The following MOV10 variants were observed in gnomAD, a reference collection of about 807,000 sequenced individuals.
MOV10 encodes Mov10 RNA helicase.
Under a neutral mutation model 108.4 loss-of-function variants are expected in MOV10, and 39 were observed. The ratio of observed to expected loss-of-function variants is 0.36; its 90% CI spans 0.28 to 0.47. MOV10 has a LOEUF of 0.47. MOV10 is among the 20% of genes least tolerant of loss of function. The pLI is 1.00. For synonymous variants in MOV10, 490 were observed against 523.1 expected (o/e 0.94, Z 0.86); for missense variants, 952 against 1,297.6 (o/e 0.73, Z 4.09).
At chr1:112,683,726 G>A (rs555730981) in intron 2 of MOV10, among the ~76,000 whole-genome samples, 4 of 152,238 alleles carry the variant, frequency 2.6e-5, no homozygotes, top group African/African-American at 9.6e-5. Context: ...CTTTTCAATG[G>A]CTGCATAATA....
chr1:112,697,934 C>A (rs1674257791), intron 14 of MOV10, 60 bp from the exon 15 acceptor site: 1 of 1,412,952 alleles, frequency 7.1e-7, no homozygotes, highest in Non-Finnish European at 1.0e-6. Context: ...TAGAGCGGAG[C>A]CCCTGTAGGG....
chr1:112,674,847 G>C lies in MOV10; in HGVS notation c.-65-1G>C, dbSNP rs1445071207. On this transcript the variant is annotated splice_acceptor_variant, in intron 1 of 20. Coordinates refer to ENST00000369645, the MANE Select transcript of MOV10 (RefSeq NM_001321324.2). LOFTEE classifies it low-confidence loss of function (5UTR_SPLICE). ...CTCATCTCAGGGCCGCCAACTTCCA[G>C]CTGCAGCGGCGACTTTCAGTTTCAT... 1 of 1,488,924 alleles carries C rather than the reference G, an allele frequency of 6.7e-7. No homozygotes were observed. Among genetic ancestry groups the C allele is most frequent in the Non-Finnish European group, 8.9e-7 (1 of 1,120,062 alleles). 92.2% of individuals were successfully genotyped at this position (1,488,924 alleles called of 1,614,324 possible).
Position 112,675,002 on chromosome 1 carries a change from A to T in MOV10, c.90A>T (p.Thr30=). 6.3e-7 allele frequency: 1 copy of T among 1,584,242 alleles called. No individual in the cohort carries two copies. Among genetic ancestry groups the T allele is most frequent in the Non-Finnish European group, 8.6e-7 (1 of 1,166,284 alleles). ...TCGTTCGGGGACTGGACATGGAGAC[A>T]GATCGCGAGCGGCTGCGGACCATTT... The part of the protein sequence containing the change: ...FLVVRGLDME[T]DRERLRTIYN... The change falls in exon 2 of 21, where the codon ACA becomes ACT. Residue 30 remains threonine (T), a synonymous_variant. Coordinates refer to ENST00000369645, the MANE Select transcript of MOV10 (RefSeq NM_001321324.2). The surrounding 1 kb of genome is among the most constrained non-coding windows in gnomAD (Gnocchi z 4.7).
At chr1:112,690,190 GC>G in intron 5 of MOV10, 92 bp downstream of exon 5, 1 of 1,485,520 alleles carries the variant, frequency 6.7e-7, no homozygotes, top group Non-Finnish European at 9.0e-7. Flanking sequence ...GGGAGCCAGA[GC>G]CCTTTTCCTA....
rs1674301642 is a variant in MOV10, at chr1:112,698,308, G to A, written c.2338G>A (p.Gly780Ser). The change falls in exon 16 of 21, where the codon GGC becomes AGC. Residue 780 changes from glycine (G) to serine (S), a missense_variant. Coordinates refer to ENST00000369645, the MANE Select transcript of MOV10 (RefSeq NM_001321324.2). ...PRQGFPIIFH[G>S]VMGKDEREGN... ...CCAGGGCTTTCCCATCATCTTTCAC[G>A]GCGTAATGGGCAAAGATGAGCGTGA... The A allele has an allele frequency of 3.1e-6, 5 of 1,613,788 alleles. No homozygotes were observed. The highest frequency in any genetic ancestry group is 1.7e-5 in the Admixed American group (1 of 59,968).
At chr1:112,684,019 T>C (rs1672868054) in intron 2 of MOV10, among the ~76,000 whole-genome samples, 1 of 152,226 alleles carries the variant, frequency 6.6e-6, no homozygotes, top group East Asian at 1.9e-4. Context: ...TCTGCAATCA[T>C]AGCTCTCTGT....
intron 2 of MOV10, among the ~76,000 whole-genome samples, chr1:112,685,653 C>A (rs1570768219): frequency 7.2e-6 from 1 of 139,208 alleles, no homozygotes; most frequent in Non-Finnish European, 1.5e-5. Context: ...GATTCCGTCT[C>A]AATAAAATAA....
rs1674525274 is a variant in MOV10 at position 112,700,260 on chromosome 1, G to A, written c.2840G>A (p.Cys947Tyr). 2 of 1,614,174 alleles carry A rather than the reference G, an allele frequency of 1.2e-6. No individual in the cohort carries two copies. Among genetic ancestry groups the A allele is most frequent in the South Asian group, 2.2e-5 (2 of 91,088 alleles). ...AAAGAAAACGGAGGGTATACCGGGT[G>A]TCCCTTCCCTGCCAAACTGGACCTG... is the stretch of plus-strand genomic sequence containing the variant. Reference protein sequence around the residue: ...FCKENGGYTGCPFPAKLDLQQ... With the variant: ...FCKENGGYTGYPFPAKLDLQQ... The change falls in exon 20 of 21, where the codon TGT becomes TAT. Residue 947 changes from cysteine to tyrosine, a missense_variant. Cys to Tyr is a radical substitution (Grantham distance 194). Around this residue, in one of 5 missense-constraint regions of MOV10, gnomAD observed 65 missense variants for 124.3 expected, o/e 0.52. Transcript: ENST00000369645.
intron 14 of MOV10, 139 bp downstream of exon 14, chr1:112,696,985 G>A: frequency 4.0e-6 from 3 of 755,258 alleles, no homozygotes; most frequent in Non-Finnish European, 6.5e-6. Flanking sequence ...TGGAAGGCAG[G>A]AGGTTTTTCT....
Position 112,700,606 on chromosome 1 carries a change from G to A in MOV10, c.*99G>A. 1 of 1,557,190 alleles carries A rather than the reference G, an allele frequency of 6.4e-7. No individual in the cohort carries two copies. Among genetic ancestry groups the A allele is most frequent in the East Asian group, 2.4e-5 (1 of 41,302 alleles). ...AACTGCCCCTCCAAGGGACAGGAAGGCTGGGGGAGGGAGTTTACAACCCAA... is the reference window on the plus strand; with the variant it reads ...AACTGCCCCTCCAAGGGACAGGAAGACTGGGGGAGGGAGTTTACAACCCAA... On this transcript the variant is annotated 3_prime_UTR_variant, in exon 21 of 21. Coordinates refer to ENST00000369645, the MANE Select transcript of MOV10 (RefSeq NM_001321324.2).
At chr1:112,680,766 G>A (rs556651916) in intron 2 of MOV10, among the ~76,000 whole-genome samples, 5 of 130,712 alleles carry the variant, frequency 3.8e-5, no homozygotes, top group Non-Finnish European at 7.7e-5. Context: ...GCAGTGGCAC[G>A]ATCTCAGCAC....
At chr1:112,677,117 G>T (rs1323598629) in intron 2 of MOV10, among the ~76,000 whole-genome samples, 1 of 152,128 alleles carries the variant, frequency 6.6e-6, no homozygotes, top group African/African-American at 2.4e-5. Context: ...ATTGACTTTA[G>T]CCTTGAAAGA....
At position 112,698,400 on chromosome 1, in the gene MOV10, C is replaced by T. The variant is rs745841832; in HGVS notation, c.2430C>T (p.Leu810=). ...CAGTGACTTCCTACCTGAAGCTGCT[C>T]CTGGCCCCCTCCTCCAAGAAGGGCA... is the stretch of plus-strand genomic sequence containing the variant. ...AATVTSYLKL[L]LAPSSKKGKA... The change falls in exon 16 of 21, where the codon CTC becomes CTT. Residue 810 remains leucine, a synonymous_variant. Transcript: ENST00000369645. 8.7e-6 allele frequency: 14 copies of T among 1,614,230 alleles called. No homozygotes were observed. Among genetic ancestry groups the T allele is most frequent in the Non-Finnish European group, 9.3e-6 (11 of 1,180,040 alleles).
Position 112,698,037 on chromosome 1 carries a change from G to A in MOV10, c.2242G>A (p.Glu748Lys), listed in dbSNP as rs778863602. The A allele has an allele frequency of 1.2e-6, 2 of 1,614,196 alleles. No individual in the cohort carries two copies. Among genetic ancestry groups the A allele is most frequent in the African/African-American group, 2.7e-5 (2 of 75,056 alleles). Residue 748 changes from glutamate (E) to lysine (K), a missense_variant, in exon 15 of 21, where the codon GAA (glutamate) becomes AAA (lysine). By Grantham distance (56) the Glu-to-Lys change is moderately conservative (BLOSUM62 1). Transcript: ENST00000369645. The part of the protein sequence containing the change: ...ILDIPNQLYY[E>K]GELQACADVV... ...GGACATTCCTAACCAGCTCTATTAT[G>A]AAGGGGAGCTGCAGGCCTGTGCTGA...
At chr1:112,678,413 T>C (rs1672365921) in intron 2 of MOV10, among the ~76,000 whole-genome samples, 1 of 152,106 alleles carries the variant, frequency 6.6e-6, no homozygotes, top group Non-Finnish European at 1.5e-5. Flanking sequence ...GCTAGAAATA[T>C]ACAAAAGGAA....
chr1:112,688,547 C>T, intron 2 of MOV10: 1 of 1,117,736 alleles, frequency 8.9e-7, no homozygotes. Context: ...CCCTTAGCCT[C>T]AGCTCTTTCT....
chr1:112,675,727 C>T lies in MOV10; in HGVS notation c.137+678C>T, dbSNP rs565546783. On this transcript the variant is annotated intron_variant, in intron 2 of 20. Transcript: ENST00000369645. The surrounding 1 kb of genome is among the most constrained non-coding windows in gnomAD (Gnocchi z 4.7). ...CTGAAGGCTCTTTGGTCTCCTTTTC[C>T]TGCTACCACCCAAGTGAAAATCAAA... Among the ~76,000 whole-genome samples, 1 of 152,366 alleles carries T rather than the reference C, an allele frequency of 6.6e-6. No individual in the cohort carries two copies. Among genetic ancestry groups the T allele is most frequent in the African/African-American group, 2.4e-5 (1 of 41,586 alleles).
chr1:112,694,859 C>T lies in MOV10; in HGVS notation c.1583C>T (p.Thr528Ile), dbSNP rs1673924705. ...TACATCATCTTTGGGCCTCCAGGCA[C>T]CGGCAAGACTGTCACGTTAGTGGAG... ...APYIIFGPPGTGKTVTLVEAI... is the reference protein window; with the variant it reads ...APYIIFGPPGIGKTVTLVEAI... The change falls in exon 10 of 21, where the codon ACC (threonine) becomes ATC (isoleucine). Residue 528 changes from threonine to isoleucine, a missense_variant. By Grantham distance (89) the Thr-to-Ile change is moderately conservative (BLOSUM62 -1). Coordinates refer to ENST00000369645, the MANE Select transcript of MOV10 (RefSeq NM_001321324.2). This position sits in a 1 kb window ranked among gnomAD's most constrained non-coding sequence, Gnocchi z 4.1. 6.2e-7 allele frequency: 1 copy of T among 1,614,054 alleles called. No individual in the cohort carries two copies. The highest frequency in any genetic ancestry group is 8.5e-7 in the Non-Finnish European group (1 of 1,179,946).
At chr1:112,682,893 C>T (rs1672774622) in intron 2 of MOV10, among the ~76,000 whole-genome samples, 1 of 149,350 alleles carries the variant, frequency 6.7e-6, no homozygotes, top group Admixed American at 6.7e-5. Flanking sequence ...TAGTTTGGGG[C>T]TCTTCTGAAT....
Sources: allele counts gnomAD v4.1 joint callset (sites outside exome capture counted in the v4.1 genomes callset), GRCh38; gene constraint gnomAD v4.1.1; regional missense constraint gnomAD v4.1.1; non-coding constraint Gnocchi (gnomAD v3.1); transcripts MANE v1.5; gene names NCBI Gene and HGNC (gene_info 2026-07-23, HGNC 2026-07-21).